ZZZ3: variants seen among roughly 807,000 people sequenced by gnomAD.
ZZZ3 encodes zinc finger ZZ-type containing 3.
A neutral mutation model predicts 95.2 loss-of-function variants in ZZZ3; 22 were observed. That is an observed-to-expected ratio of 0.23 (90% CI 0.17 to 0.33). ZZZ3 has a LOEUF of 0.33. ZZZ3 is among the 10% of genes least tolerant of loss of function. ZZZ3 has a pLI of 1.00. For synonymous variants in ZZZ3, 335 were observed against 358.9 expected (o/e 0.93, Z 0.75); for missense variants, 885 against 1,066.5 (o/e 0.83, Z 2.37).
At chr1:77,585,211 A>G (rs1029486971) in intron 5 of ZZZ3, among the ~76,000 whole-genome samples, 3 of 152,112 alleles carry the variant, frequency 2.0e-5, no homozygotes, top group Non-Finnish European at 4.4e-5. Context: ...TTTCCTCTGC[A>G]TGAAAGATAA....
intron 1 of ZZZ3, among the ~76,000 whole-genome samples, chr1:77,650,088 T>C (rs1423088541): frequency 6.6e-6 from 1 of 152,048 alleles, no homozygotes. Context: ...ATGTATAGTA[T>C]AAATCTTAAA....
chr1:77,681,899 C>CAAAAAAAAAAAAAAAAAAAA (rs61661880), intron 1 of ZZZ3, among the ~76,000 whole-genome samples: 1 of 94,746 alleles, frequency 1.1e-5, no homozygotes. Context: ...GACTCCGTCT[C>CAAAAAAAAAAAAAAAAAAAA]AAAAAAAAAA....
intron 1 of ZZZ3, among the ~76,000 whole-genome samples, chr1:77,647,069 G>C (rs1024840707): frequency 2.6e-5 from 4 of 152,154 alleles, no homozygotes; most frequent in Non-Finnish European, 4.4e-5. Flanking sequence ...TAACTGAAGG[G>C]TAAGTAGTAT....
chr1:77,620,523 A>C (rs1666756448), intron 5 of ZZZ3, among the ~76,000 whole-genome samples: 1 of 149,892 alleles, frequency 6.7e-6, no homozygotes, highest in African/African-American at 2.5e-5. Flanking sequence ...GGAAGGAAGG[A>C]AGGAAGGAAG....
At chr1:77,567,997 C>T (rs1483110427) in intron 13 of ZZZ3, among the ~76,000 whole-genome samples, 2 of 152,182 alleles carry the variant, frequency 1.3e-5, no homozygotes, top group East Asian at 1.9e-4. Flanking sequence ...CTTTTTCCTA[C>T]ATGCTTAGCA....
chr1:77,604,480 G>C (rs1431344717), intron 5 of ZZZ3, among the ~76,000 whole-genome samples: 2 of 152,056 alleles, frequency 1.3e-5, no homozygotes, highest in African/African-American at 4.8e-5. Flanking sequence ...GTATTTGCAG[G>C]CTAGATTTCT....
At chr1:77,579,766 T>C (rs548518998) in intron 9 of ZZZ3, 138 bp from the exon 10 acceptor site, 47 of 494,184 alleles carry the variant, frequency 9.5e-5, no homozygotes, top group Non-Finnish European at 1.5e-4. Flanking sequence ...TTAGAAATCC[T>C]CATGGTAGGA....
intron 5 of ZZZ3, among the ~76,000 whole-genome samples, chr1:77,597,705 C>A (rs1664342297): frequency 1.3e-5 from 2 of 152,140 alleles, no homozygotes; most frequent in South Asian, 4.1e-4. Flanking sequence ...CTGACTAGTA[C>A]CCCTCAGAAC....
rs778828506 is a variant in ZZZ3 at position 77,632,872 on chromosome 1, T to C, written c.483A>G (p.Lys161=). 1 of 1,614,194 alleles carries C rather than the reference T, an allele frequency of 6.2e-7. No individual in the cohort carries two copies. Among genetic ancestry groups the C allele is most frequent in the African/African-American group, 1.3e-5 (1 of 75,062 alleles). ...CCAGTATAAGACATCGACAAGCTCG[T>C]TTAGTCCCTTGAAAATCTGCATCAT... is the stretch of plus-strand genomic sequence containing the variant. The part of the protein sequence containing the change: ...VDNDADFQGT[K]RACRCLILDD... The change falls in exon 5 of 15, where the codon AAA becomes AAG. Residue 161 remains lysine, a synonymous_variant. Transcript: ENST00000370801.
intron 11 of ZZZ3, among the ~76,000 whole-genome samples, chr1:77,576,588 A>T (rs549067329): frequency 6.6e-6 from 1 of 152,312 alleles, no homozygotes; most frequent in Admixed American, 6.5e-5. Context: ...CCAGACATAA[A>T]ACTATCCAGT....
chr1:77,599,741 G>C (rs1664554558), intron 5 of ZZZ3, among the ~76,000 whole-genome samples: 1 of 151,808 alleles, frequency 6.6e-6, no homozygotes, highest in Non-Finnish European at 1.5e-5. Context: ...AGAATACAAA[G>C]GCAGAGAAAG....
In ZZZ3 at chr1:77,605,271, T is replaced by C. The variant is rs565930479; in HGVS notation, c.1506-20616A>G. ...CATCATGAGACTACATCAAATTCCA[T>C]GCTGCCATCACAGTAGAAAGCAAAA... is the stretch of plus-strand genomic sequence containing the variant. On this transcript the variant is annotated intron_variant, in intron 5 of 14. Transcript: ENST00000370801. Among the ~76,000 whole-genome samples the C allele has an allele frequency of 2.0e-5, 3 of 152,304 alleles. No individual in the cohort carries two copies. In the East Asian group the frequency reaches 5.8e-4, roughly 29 times the overall value.
chr1:77,617,604 T>TG (rs1666436303), intron 5 of ZZZ3, among the ~76,000 whole-genome samples: 2 of 152,078 alleles, frequency 1.3e-5, no homozygotes, highest in East Asian at 3.9e-4. Flanking sequence ...AAGTTCATGT[T>TG]TAAACACCTA....
rs187401818 is a variant in ZZZ3, at chr1:77,653,740, T to A, written c.-402-12085A>T. On this transcript the variant is annotated intron_variant, in intron 1 of 14. Transcript: ENST00000370801. ...TGCACTCCAGCCTGGGGAACAAGAT[T>A]GAAACTCTGTCTCAAAAAAAAATTA... is the stretch of plus-strand genomic sequence containing the variant. Among the ~76,000 whole-genome samples the A allele has an allele frequency of 2.5e-3, 377 of 150,736 alleles. 4 individuals are homozygous for A. Among genetic ancestry groups the A allele is most frequent in the Admixed American group, 0.014 (215 of 15,120 alleles).
chr1:77,572,335 T>TTTTTG (rs901768703), intron 12 of ZZZ3, among the ~76,000 whole-genome samples: 4 of 152,150 alleles, frequency 2.6e-5, no homozygotes, highest in Admixed American at 6.6e-5. Flanking sequence ...GTTTTGGGTT[T>TTTTTG]TTTTGTTTTG....
At chr1:77,672,626 C>T (rs935484414) in intron 1 of ZZZ3, among the ~76,000 whole-genome samples, 7 of 152,048 alleles carry the variant, frequency 4.6e-5, no homozygotes, top group Admixed American at 3.3e-4. Flanking sequence ...AACTTTCAGG[C>T]GATTATGATG....
intron 1 of ZZZ3, among the ~76,000 whole-genome samples, chr1:77,659,608 G>A (rs759802167): frequency 2.6e-5 from 4 of 151,484 alleles, no homozygotes; most frequent in East Asian, 1.9e-4. Flanking sequence ...ACTTGAATCC[G>A]GGAGGTGGAG....
At chr1:77,578,179 C>T (rs186785099) in intron 11 of ZZZ3, among the ~76,000 whole-genome samples, 190 of 152,148 alleles carry the variant, frequency 1.2e-3, no homozygotes, top group Non-Finnish European at 2.4e-3. Context: ...AATATTATGT[C>T]AGTAAAGTGA....
rs760755714 is a variant in ZZZ3 at position 77,633,054 on chromosome 1, T to C, written c.301A>G (p.Ile101Val). Residue 101 changes from isoleucine (I) to valine (V), a missense_variant, in exon 5 of 15, where the codon ATA becomes GTA. Coordinates refer to ENST00000370801, the MANE Select transcript of ZZZ3 (RefSeq NM_015534.6). ...SEKDNIERQAIENCERRQTEP... is the reference protein window; with the variant it reads ...SEKDNIERQAVENCERRQTEP... The stretch of plus-strand genomic sequence containing the variant: ...GTTTGCCTTCTCTCACAATTTTCTA[T>C]AGCCTGCCTTTCTATGTTATCCTTT... 6 of 1,613,960 alleles carry C rather than the reference T, an allele frequency of 3.7e-6. No homozygotes were observed. Among genetic ancestry groups the C allele is most frequent in the East Asian group, 2.2e-5 (1 of 44,882 alleles).
Sources: allele counts gnomAD v4.1 joint callset (sites outside exome capture counted in the v4.1 genomes callset), GRCh38; gene constraint gnomAD v4.1.1; transcripts MANE v1.5; gene names NCBI Gene and HGNC (gene_info 2026-07-23, HGNC 2026-07-21).